Variants in CAPN2 observed in about 807,000 individuals in gnomAD.
The protein encoded by CAPN2 is calpain 2, also known as calpain-2 catalytic subunit.
In CAPN2, 92 loss-of-function variants were observed where a neutral mutation model predicts 102.3. The ratio of observed to expected loss-of-function variants is 0.90; its 90% CI spans 0.76 to 1.07. The LOEUF (loss-of-function observed/expected upper bound fraction) is 1.07, where lower values mean the gene tolerates loss of function less well. CAPN2 is among the 50% of genes least tolerant of loss of function. The pLI is 0.00. For synonymous variants in CAPN2, 340 were observed against 355.4 expected, an observed-to-expected ratio of 0.96 and a Z score of 0.49; for missense variants, 800 against 909.4, an observed-to-expected ratio of 0.88 and a Z score of 1.55.
chr1:223,712,399 G>C, upstream of CAPN2: 1 of 1,040,824 alleles, frequency 9.6e-7, no homozygotes, highest in Non-Finnish European at 1.2e-6. Context: ...CCCGGGTCGC[G>C]GCGTTCCCGG....
At position 223,764,198 on chromosome 1, in the gene CAPN2, C is replaced by T; in HGVS notation, c.1681C>T (p.Leu561=). 6.2e-7 allele frequency: 1 copy of T among 1,613,646 alleles called. No individual in the cohort carries two copies. Among genetic ancestry groups the T allele is most frequent in the Non-Finnish European group, 8.5e-7 (1 of 1,179,558 alleles). The change falls in exon 15 of 21, where the codon CTA becomes TTA. Residue 561 remains leucine (L), a synonymous_variant. Transcript: ENST00000295006. ...FELQTILRRV[L]AKRQDIKSDG... is the part of the protein sequence containing the mutation. ...GCTGCAGACCATCCTGAGAAGGGTTCTAGCAAAGCGTGAGTATCCCCTCAT... is the reference window on the plus strand; with the variant it reads ...GCTGCAGACCATCCTGAGAAGGGTTTTAGCAAAGCGTGAGTATCCCCTCAT...
At chr1:223,717,346 G>A (rs1305583136) in intron 1 of CAPN2, among the ~76,000 whole-genome samples, 4 of 152,200 alleles carry the variant, frequency 2.6e-5, no homozygotes, top group Non-Finnish European at 4.4e-5. Flanking sequence ...AGTGGGAAAG[G>A]AAGGAATTTC....
At chr1:223,751,892 C>T (rs28370078) in intron 7 of CAPN2, 105 bp from the exon 8 acceptor site, 3 of 724,028 alleles carry the variant, frequency 4.1e-6, no homozygotes, top group Admixed American at 4.8e-5. Flanking sequence ...CTTTCTGGAG[C>T]CTGAGCCCTC....
rs1660625887 is a variant in CAPN2, at chr1:223,741,843, C to CCAGTGCAG, written c.308-2257_308-2256insCAGTGCAG. ...CCAGGCTGGAGTGCAGTGGCGTGAT[C>CCAGTGCAG]TTGGCTCACTGCAGACTCCATCTCC... On this transcript the variant is annotated intron_variant, in intron 2 of 20. Coordinates refer to ENST00000295006, the MANE Select transcript of CAPN2 (RefSeq NM_001748.5). 2.0e-5 allele frequency among the ~76,000 whole-genome samples: 3 copies of CCAGTGCAG among 152,152 alleles called. No homozygotes were observed. The South Asian group carries it at 6.2e-4, about 32-fold the overall frequency.
chr1:223,751,607 G>T (rs1226871932), intron 7 of CAPN2, among the ~76,000 whole-genome samples: 1 of 151,796 alleles, frequency 6.6e-6, no homozygotes, highest in East Asian at 1.9e-4. Flanking sequence ...ACCTGCTGAG[G>T]CTTCCCAGGC....
Position 223,756,567 on chromosome 1 carries a change from AG to A in CAPN2, c.1306-801del. Among the ~76,000 whole-genome samples, 1 of 152,300 alleles carries A rather than the reference AG, an allele frequency of 6.6e-6. No individual in the cohort carries two copies. The highest frequency in any genetic ancestry group is 2.1e-4 in the South Asian group (1 of 4,820). On this transcript the variant is annotated intron_variant, in intron 10 of 20. Coordinates refer to ENST00000295006, the MANE Select transcript of CAPN2 (RefSeq NM_001748.5). The surrounding 1 kb of genome is among the most constrained non-coding windows in gnomAD (Gnocchi z 4.1). Reference sequence around the variant, plus strand: ...GAGCTTCCACCCTCTCCCAAGAGCCAGTTTCCCAGCACACCCCTGGGAGAAT... The same window carrying A: ...GAGCTTCCACCCTCTCCCAAGAGCCATTTCCCAGCACACCCCTGGGAGAAT...
rs1166332116 is a variant in CAPN2 at position 223,741,421 on chromosome 1, GTATATATATATATAATGTGTA to G, written c.308-2664_308-2644del. Among the ~76,000 whole-genome samples, 245 of 128,500 alleles carry G rather than the reference GTATATATATATATAATGTGTA, an allele frequency of 1.9e-3. 7 individuals carry two copies. The highest frequency in any genetic ancestry group is 6.6e-3 in the African/African-American group (210 of 31,582). 84.3% of individuals were successfully genotyped at this position (128,500 alleles called of 152,430 possible). The stretch of plus-strand genomic sequence containing the variant: ...CTTTTTGAATCTTTGGCTGTAAAAT[GTATATATATATATAATGTGTA>G]TATATATATATATATATATATATAT... On this transcript the variant is annotated intron_variant, in intron 2 of 20. Transcript: ENST00000295006.
chr1:223,713,193 C>G (rs1284393002), intron 1 of CAPN2, among the ~76,000 whole-genome samples: 1 of 152,014 alleles, frequency 6.6e-6, no homozygotes, highest in Non-Finnish European at 1.5e-5. Flanking sequence ...TGCAGGAGGC[C>G]GGGGTGAAAC....
chr1:223,761,360 G>T (rs1661179861), intron 12 of CAPN2, among the ~76,000 whole-genome samples: 1 of 152,170 alleles, frequency 6.6e-6, no homozygotes, highest in South Asian at 2.1e-4. Context: ...GGAATGCAGA[G>T]AAATGTTATC....
intron 1 of CAPN2, among the ~76,000 whole-genome samples, 195 bp downstream of exon 1, chr1:223,713,072 G>C (rs1362839803): frequency 2.6e-5 from 4 of 152,186 alleles, no homozygotes; most frequent in African/African-American, 9.6e-5. Context: ...GGGACTCCCG[G>C]GGCCTTCCCT....
At chr1:223,749,154 G>T in intron 6 of CAPN2, 32 bp downstream of exon 6, 1 of 1,587,608 alleles carries the variant, frequency 6.3e-7, no homozygotes, top group South Asian at 1.1e-5. Context: ...CAGGGGTCCT[G>T]CTGTCCTGAC....
At chr1:223,746,449 T>C (rs2102798179) in intron 4 of CAPN2, among the ~76,000 whole-genome samples, 1 of 147,860 alleles carries the variant, frequency 6.8e-6, no homozygotes, top group East Asian at 2.0e-4. Context: ...ACTAAGGTCC[T>C]TCCGACTCTA....
At chr1:223,745,270 C>A (rs1225512037) in intron 3 of CAPN2, 36 bp from the exon 4 acceptor site, 1 of 1,613,422 alleles carries the variant, frequency 6.2e-7, no homozygotes, top group East Asian at 2.2e-5. Flanking sequence ...GTGCTGCCAC[C>A]AGCTCCTCCT....
intron 6 of CAPN2, chr1:223,749,542 G>T: frequency 5.2e-6 from 1 of 191,668 alleles, no homozygotes; most frequent in Non-Finnish European, 1.1e-5. Flanking sequence ...TGTGGCCTGG[G>T]CCAATTACTG....
chr1:223,755,341 T>C lies in CAPN2; in HGVS notation c.1136-139T>C, dbSNP rs1004422948. ...ATCTCCCACCATCCCCCACCACCTC[T>C]TACCATCTCCCACCACCTCCCACCA... is the stretch of plus-strand genomic sequence containing the variant. On this transcript the variant is annotated intron_variant, in intron 9 of 20. Coordinates refer to ENST00000295006, the MANE Select transcript of CAPN2 (RefSeq NM_001748.5). The surrounding 1 kb of genome is among the most constrained non-coding windows in gnomAD (Gnocchi z 4.1). 7 of 767,424 alleles carry C rather than the reference T, an allele frequency of 9.1e-6. No individual in the cohort carries two copies. The highest frequency in any genetic ancestry group is 8.9e-5 in the African/African-American group (5 of 56,446). 47.5% of individuals were successfully genotyped at this position (767,424 alleles called of 1,614,324 possible). A position where few individuals can be genotyped will look rare whatever the true frequency, so the allele number is the denominator to read the frequency against.
In CAPN2 at chr1:223,733,996, G is replaced by C. The variant is rs559821332; in HGVS notation, c.308-10104G>C. Among the ~76,000 whole-genome samples, 6 of 144,992 alleles carry C rather than the reference G, an allele frequency of 4.1e-5. No homozygotes were observed. In the East Asian group the frequency reaches 7.7e-4, roughly 19 times the overall value. On this transcript the variant is annotated intron_variant, in intron 2 of 20. Coordinates refer to ENST00000295006, the MANE Select transcript of CAPN2 (RefSeq NM_001748.5). Reference sequence around the variant, plus strand: ...CAGACTGGGTCCCAACTGCAGACTCGGTCCCAACTGCAGACTCAGGAGGAG... The same window carrying C: ...CAGACTGGGTCCCAACTGCAGACTCCGTCCCAACTGCAGACTCAGGAGGAG...
In CAPN2 at chr1:223,772,178, CAG is replaced by C; in HGVS notation, c.2022_2023del. ...GTGACACCCTCTTTTTCTCCCTCCA[CAG>C]AGATATTTAAGCAGCTGGATCCCGA... is the stretch of plus-strand genomic sequence containing the variant. On this transcript the variant is annotated splice_acceptor_variant, in intron 19 of 20. Coordinates refer to ENST00000295006, the MANE Select transcript of CAPN2 (RefSeq NM_001748.5). LOFTEE classifies it high-confidence loss of function. 1 of 1,613,914 alleles carries C rather than the reference CAG, an allele frequency of 6.2e-7. No homozygotes were observed. Among genetic ancestry groups the C allele is most frequent in the Non-Finnish European group, 8.5e-7 (1 of 1,179,820 alleles).
rs1660970079 is a variant in CAPN2 at position 223,754,024 on chromosome 1, C to T, written c.1135+1068C>T. Among the ~76,000 whole-genome samples, 1 of 152,228 alleles carries T rather than the reference C, an allele frequency of 6.6e-6. No individual in the cohort carries two copies. Among genetic ancestry groups the T allele is most frequent in the African/African-American group, 2.4e-5 (1 of 41,456 alleles). On this transcript the variant is annotated intron_variant, in intron 9 of 20. Transcript: ENST00000295006. The surrounding 1 kb of genome is among the most constrained non-coding windows in gnomAD (Gnocchi z 4.7). The stretch of plus-strand genomic sequence containing the variant: ...TTCTGAGGCAGGCACTTTCTTATCA[C>T]CTCCATCTCTAAGATGAGGAAACTG...
In CAPN2 at chr1:223,775,062, C is replaced by A. The variant is rs369415939; in HGVS notation, c.*205C>A. ...AGTAAAAGATTTGCATATCATTATA[C>A]TAAATGCAAATGAGTCGCTTAACCC... On this transcript the variant is annotated 3_prime_UTR_variant, in exon 21 of 21. Coordinates refer to ENST00000295006, the MANE Select transcript of CAPN2 (RefSeq NM_001748.5). 1.0e-5 allele frequency: 6 copies of A among 586,364 alleles called. No homozygotes were observed. The highest frequency in any genetic ancestry group is 9.5e-5 in the Admixed American group (3 of 31,414). The allele number at this position is 586,364 out of a possible 1,614,324, so 36.3% of individuals were successfully genotyped here.
Sources: gnomAD v4.1 joint callset for allele counts (sites outside exome capture counted in the v4.1 genomes callset) on GRCh38, gnomAD v4.1.1 for gene constraint, Gnocchi (gnomAD v3.1) non-coding constraint, MANE v1.5 for transcripts, NCBI Gene and HGNC (gene_info 2026-07-23, HGNC 2026-07-21) for gene names.